ADAMTSL1: variants seen among roughly 807,000 people sequenced by gnomAD.
ADAMTSL1 encodes ADAMTS like 1.
Under a neutral mutation model 201.8 loss-of-function variants are expected in ADAMTSL1, and 126 were observed. The ratio of observed to expected loss-of-function variants is 0.62; its 90% CI spans 0.54 to 0.72. The LOEUF is 0.72. Among genes scored for constraint, ADAMTSL1 ranks in the 30% least tolerant of loss-of-function variants. The probability of loss-of-function intolerance (pLI) is 0.00; values close to 1 mark genes in which losing one functional copy is unlikely to be tolerated. For missense variants in ADAMTSL1, 2,679 were observed against 2,277.8 expected, an observed-to-expected ratio of 1.18 and a Z score of -3.59; for synonymous variants, 1,121 against 903.4, an observed-to-expected ratio of 1.24 and a Z score of -4.32.
intron 2 of ADAMTSL1, among the ~76,000 whole-genome samples, chr9:18,443,173 T>A (rs1196126327): frequency 3.9e-5 from 6 of 152,172 alleles, no homozygotes; most frequent in African/African-American, 1.4e-4. Flanking sequence ...AGGAGCCATA[T>A]ATTAAAGTGA....
chr9:18,108,408 C>A (rs1467176361), intron 1 of ADAMTSL1, among the ~76,000 whole-genome samples: 1 of 152,080 alleles, frequency 6.6e-6, no homozygotes, highest in African/African-American at 2.4e-5. Flanking sequence ...CCATATTGCA[C>A]AGGCTGGTCT....
At chr9:18,176,133 T>G (rs907912680) in intron 2 of ADAMTSL1, among the ~76,000 whole-genome samples, 2 of 152,080 alleles carry the variant, frequency 1.3e-5, no homozygotes, top group African/African-American at 4.8e-5. Flanking sequence ...TCAAGAATGT[T>G]GTCAATTTGT....
At chr9:18,389,253 G>A (rs1837944365) in intron 2 of ADAMTSL1, among the ~76,000 whole-genome samples, 1 of 150,216 alleles carries the variant, frequency 6.7e-6, no homozygotes, top group East Asian at 2.0e-4. Context: ...ATAAGACCTT[G>A]TCAAGAATAT....
At chr9:18,600,157 C>G (rs1352007298) in intron 4 of ADAMTSL1, among the ~76,000 whole-genome samples, 2 of 152,118 alleles carry the variant, frequency 1.3e-5, no homozygotes, top group African/African-American at 4.8e-5. Context: ...CTGTAGCTAT[C>G]TGCTTCTCTG....
At position 18,287,696 on chromosome 9, in the gene ADAMTSL1, A is replaced by G. The variant is rs61408473; in HGVS notation, c.207+123715A>G. Among the ~76,000 whole-genome samples the G allele has an allele frequency of 4.4e-3, 631 of 144,442 alleles. 4 individuals are homozygous for G. The highest frequency in any genetic ancestry group is 0.016 in the African/African-American group (607 of 37,500). The allele number at this position is 144,442 out of a possible 152,430, so 94.8% of individuals were successfully genotyped here. A position where few individuals can be genotyped will look rare whatever the true frequency, so the allele number is the denominator to read the frequency against. ...GTATACATACATAAATATATTACAT[A>G]TATGTACATATATTTACATATATAT... On this transcript the variant is annotated intron_variant, in intron 2 of 29. Transcript: ENST00000680146.
intron 2 of ADAMTSL1, among the ~76,000 whole-genome samples, chr9:18,407,841 G>T (rs1818269613): frequency 6.6e-6 from 1 of 152,182 alleles, no homozygotes; most frequent in Non-Finnish European, 1.5e-5. Flanking sequence ...GAGGGTCAAA[G>T]ATATTAGAGA....
intron 2 of ADAMTSL1, chr9:18,360,837 T>C (rs1335469271): frequency 6.6e-6 from 1 of 152,204 alleles, no homozygotes; most frequent in Non-Finnish European, 1.5e-5. Flanking sequence ...TAGGATGTCT[T>C]GAGCATAATC....
At chr9:18,128,898 G>T (rs1252955308) in intron 1 of ADAMTSL1, among the ~76,000 whole-genome samples, 1 of 152,052 alleles carries the variant, frequency 6.6e-6, no homozygotes, top group Admixed American at 6.6e-5. Context: ...AGAATATCAA[G>T]GTATAAAATA....
At chr9:18,818,036 A>G (rs1321522785) in intron 21 of ADAMTSL1, among the ~76,000 whole-genome samples, 4 of 152,204 alleles carry the variant, frequency 2.6e-5, no homozygotes, top group Non-Finnish European at 4.4e-5. Flanking sequence ...TATGCTCTGT[A>G]TAAAAATATT....
chr9:18,770,566 G>C, intron 16 of ADAMTSL1, 36 bp from the exon 17 acceptor site: 2 of 1,575,752 alleles, frequency 1.3e-6, no homozygotes, highest in South Asian at 2.3e-5. Flanking sequence ...CCCATATTGG[G>C]TCTACTTTTT....
Position 18,692,442 on chromosome 9 carries a change from G to C in ADAMTSL1, c.1574+7642G>C, listed in dbSNP as rs897339148. Among the ~76,000 whole-genome samples the C allele has an allele frequency of 2.3e-4, 35 of 152,082 alleles. 1 individual carries two copies. The highest frequency in any genetic ancestry group is 1.0e-4 in the Non-Finnish European group (7 of 68,014). ...CTCTGTCACCGCAGTTGCTCGTTCTGTGGCTACTTTCAGAAAGCTAAATCT... is the reference window on the plus strand; with the variant it reads ...CTCTGTCACCGCAGTTGCTCGTTCTCTGGCTACTTTCAGAAAGCTAAATCT... On this transcript the variant is annotated intron_variant, in intron 13 of 28. Transcript: ENST00000380548.
At chr9:18,031,425 G>A (rs1820950768) in intron 1 of ADAMTSL1, among the ~76,000 whole-genome samples, 1 of 152,042 alleles carries the variant, frequency 6.6e-6, no homozygotes, top group Non-Finnish European at 1.5e-5. Context: ...CTGTGTTTGG[G>A]TTTCTTTGTT....
chr9:18,661,858 A>T lies in ADAMTSL1; in HGVS notation c.947-77A>T. 1.2e-5 allele frequency: 18 copies of T among 1,447,316 alleles called. No individual in the cohort carries two copies. In the South Asian group the frequency reaches 2.5e-4, roughly 21 times the overall value. 89.7% of individuals were successfully genotyped at this position (1,447,316 alleles called of 1,614,324 possible). On this transcript the variant is annotated intron_variant, in intron 8 of 28. Coordinates refer to ENST00000380548, the MANE Select transcript of ADAMTSL1 (RefSeq NM_001040272.6). ...TTGGGGAATAATTTCCATTGATGTGAGCTGGCCAAAATGCATAAAGAAATA... is the reference window on the plus strand; with the variant it reads ...TTGGGGAATAATTTCCATTGATGTGTGCTGGCCAAAATGCATAAAGAAATA...
chr9:18,524,351 G>A (rs867153101), intron 2 of ADAMTSL1, among the ~76,000 whole-genome samples: 16 of 152,288 alleles, frequency 1.1e-4, no homozygotes, highest in African/African-American at 3.4e-4. Context: ...CTGAGACAGT[G>A]GGGTTTTCTA....
At chr9:18,440,429 G>A (rs1245373421) in intron 2 of ADAMTSL1, among the ~76,000 whole-genome samples, 1 of 151,186 alleles carries the variant, frequency 6.6e-6, no homozygotes, top group African/African-American at 2.4e-5. Context: ...TTAATGACAG[G>A]GGAGATAAGG....
At chr9:18,175,009 T>C (rs987673047) in intron 2 of ADAMTSL1, among the ~76,000 whole-genome samples, 9 of 152,204 alleles carry the variant, frequency 5.9e-5, no homozygotes, top group Non-Finnish European at 1.0e-4. Flanking sequence ...TATAAACGTT[T>C]CTTTTGCTAA....
chr9:18,014,843 G>C (rs984155908), intron 1 of ADAMTSL1, among the ~76,000 whole-genome samples: 1 of 151,996 alleles, frequency 6.6e-6, no homozygotes, highest in African/African-American at 2.4e-5. Flanking sequence ...TCATTACCAG[G>C]AGTGTATGCA....
At chr9:18,638,822 C>T (rs1056223436) in intron 6 of ADAMTSL1, among the ~76,000 whole-genome samples, 1 of 151,992 alleles carries the variant, frequency 6.6e-6, no homozygotes, top group Admixed American at 6.6e-5. Flanking sequence ...TAAAGTCATA[C>T]GGGTACTGAG....
intron 2 of ADAMTSL1, among the ~76,000 whole-genome samples, chr9:18,250,365 C>A (rs1831415773): frequency 6.6e-6 from 1 of 152,092 alleles, no homozygotes; most frequent in Non-Finnish European, 1.5e-5. Context: ...GTTCCTGACT[C>A]CCTCTTTGGG....
Sources: gnomAD v4.1 joint callset for allele counts (sites outside exome capture counted in the v4.1 genomes callset) on GRCh38, gnomAD v4.1.1 for gene constraint, MANE v1.5 for transcripts, NCBI Gene and HGNC (gene_info 2026-07-23, HGNC 2026-07-21) for gene names.